SLC36A1: variants seen among roughly 807,000 people sequenced by gnomAD.
SLC36A1 encodes the protein proton-coupled amino acid transporter 1.
A neutral mutation model predicts 47.5 loss-of-function variants in SLC36A1; 30 were observed. That is an observed-to-expected ratio of 0.63 (90% CI 0.47 to 0.86). The LOEUF is 0.86. Among genes scored for constraint, SLC36A1 ranks in the 40% least tolerant of loss-of-function variants. The pLI is 0.00. For missense variants in SLC36A1, 517 were observed against 606.0 expected, an observed-to-expected ratio of 0.85 and a Z score of 1.54; for synonymous variants, 255 against 249.7, an observed-to-expected ratio of 1.02 and a Z score of -0.20.
At chr5:151,462,833 G>T (rs1052516560) in intron 2 of SLC36A1, among the ~76,000 whole-genome samples, 7 of 150,602 alleles carry the variant, frequency 4.6e-5, no homozygotes, top group Non-Finnish European at 8.9e-5. Flanking sequence ...GTGTTTGTCC[G>T]TCATTGTTTG....
At chr5:151,507,054 C>T in the SLC36A1 span, 16 of 1,021,644 alleles carry the variant, frequency 1.6e-5, no homozygotes, top group Middle Eastern at 2.1e-4. Flanking sequence ...GGGTTGGATG[C>T]GTGGTAGCTA....
At chr5:151,543,493 C>T in the SLC36A1 span, 9 of 1,614,152 alleles carry the variant, frequency 5.6e-6, no homozygotes, top group Non-Finnish European at 7.6e-6. Context: ...TGAATTTTCC[C>T]GATCCAGTTT....
chr5:151,391,458 G>C, the SLC36A1 span, among the ~76,000 whole-genome samples: 2 of 152,336 alleles, frequency 1.3e-5, no homozygotes, highest in East Asian at 3.9e-4. Context: ...AGTGGTGAGA[G>C]AGAGTATCCC....
chr5:151,379,338 G>T, the SLC36A1 span, among the ~76,000 whole-genome samples: 2 of 152,096 alleles, frequency 1.3e-5, no homozygotes, highest in African/African-American at 4.8e-5. Flanking sequence ...CTTATTTATT[G>T]ATTTATTTAT....
chr5:151,368,668 A>G, the SLC36A1 span, among the ~76,000 whole-genome samples: 4 of 152,152 alleles, frequency 2.6e-5, no homozygotes, highest in South Asian at 2.1e-4. Context: ...AGCTTTTACA[A>G]TAGATTTCTC....
At chr5:151,448,268 C>G (rs917237057) in intron 1 of SLC36A1, among the ~76,000 whole-genome samples, 6 of 152,212 alleles carry the variant, frequency 3.9e-5, no homozygotes, top group Non-Finnish European at 8.8e-5. Context: ...TAATCGGAGA[C>G]CCGGAGACCT....
chr5:151,361,343 G>A, the SLC36A1 span, among the ~76,000 whole-genome samples: 1 of 152,148 alleles, frequency 6.6e-6, no homozygotes, highest in African/African-American at 2.4e-5. Flanking sequence ...TAGCAACATT[G>A]TATTCTTTAT....
the SLC36A1 span, among the ~76,000 whole-genome samples, chr5:151,362,252 C>A: frequency 6.6e-6 from 1 of 151,948 alleles, no homozygotes; most frequent in Non-Finnish European, 1.5e-5. Flanking sequence ...ATTCTGTTTT[C>A]TTTTTTTCCC....
the SLC36A1 span, among the ~76,000 whole-genome samples, chr5:151,388,968 GA>G: frequency 1.3e-5 from 2 of 151,696 alleles, no homozygotes; most frequent in African/African-American, 2.4e-5. Flanking sequence ...ATCAAAAATA[GA>G]AAAAAAACCC....
At chr5:151,388,711 T>C in the SLC36A1 span, among the ~76,000 whole-genome samples, 31 of 152,180 alleles carry the variant, frequency 2.0e-4, no homozygotes, top group African/African-American at 7.5e-4. Context: ...ACTTTCCTAA[T>C]TGAATTCACG....
At chr5:151,420,952 G>T in the SLC36A1 span, among the ~76,000 whole-genome samples, 1 of 148,438 alleles carries the variant, frequency 6.7e-6, no homozygotes, top group African/African-American at 2.5e-5. Flanking sequence ...TGCATTGCAA[G>T]CTCCTTCTCC....
chr5:151,547,363 TA>T, the SLC36A1 span, among the ~76,000 whole-genome samples: 16 of 152,298 alleles, frequency 1.1e-4, no homozygotes, highest in South Asian at 1.2e-3. Context: ...TTGAATAATT[TA>T]AAGAGGAGTG....
the SLC36A1 span, among the ~76,000 whole-genome samples, chr5:151,375,090 T>C: frequency 6.6e-6 from 1 of 152,216 alleles, no homozygotes; most frequent in African/African-American, 2.4e-5. Flanking sequence ...ATTTTTGTTT[T>C]TGTTGCCTGT....
the SLC36A1 span, chr5:151,412,514 A>G: frequency 6.9e-6 from 1 of 144,114 alleles, no homozygotes; most frequent in Non-Finnish European, 1.5e-5. Flanking sequence ...AGGTGACTGC[A>G]TGGGGTGGGG....
chr5:151,545,371 T>G, the SLC36A1 span: 1 of 1,614,168 alleles, frequency 6.2e-7, no homozygotes, highest in Non-Finnish European at 8.5e-7. Context: ...AGTGACAGGA[T>G]GGATGGTAAC....
the SLC36A1 span, among the ~76,000 whole-genome samples, chr5:151,502,079 AGGC>A: frequency 1.1e-4 from 17 of 148,222 alleles, no homozygotes; most frequent in South Asian, 6.2e-4. Context: ...TGGGATGCGG[AGGC>A]GGGTGGATCA....
chr5:151,544,188 C>T, the SLC36A1 span: 1 of 1,614,100 alleles, frequency 6.2e-7, no homozygotes, highest in African/African-American at 1.3e-5. Flanking sequence ...CTGAGCCATC[C>T]TCCACAATCT....
At chr5:151,551,707 A>G in the SLC36A1 span, 1 of 1,245,480 alleles carries the variant, frequency 8.0e-7, no homozygotes, top group Non-Finnish European at 1.1e-6. Context: ...ACGGTGGTAA[A>G]TTCCACAGTA....
the SLC36A1 span, among the ~76,000 whole-genome samples, chr5:151,385,007 A>T: frequency 6.6e-4 from 67 of 102,080 alleles, no homozygotes; most frequent in South Asian, 1.4e-3. Context: ...AGAGAGAGAG[A>T]GAGTGTGTGT....
Sources: allele counts gnomAD v4.1 joint callset (sites outside exome capture counted in the v4.1 genomes callset), GRCh38; gene constraint gnomAD v4.1.1; transcripts MANE v1.5; gene names NCBI Gene and HGNC (gene_info 2026-07-23, HGNC 2026-07-21).